The following USP34 variants were observed in gnomAD, a reference collection of about 807,000 sequenced individuals.
The protein encoded by USP34 is ubiquitin carboxyl-terminal hydrolase 34.
In USP34, 70 loss-of-function variants were observed where a neutral mutation model predicts 460.3. The ratio of observed to expected loss-of-function variants is 0.15; its 90% CI spans 0.13 to 0.19. The LOEUF (loss-of-function observed/expected upper bound fraction) is 0.19, where lower values mean the gene tolerates loss of function less well. USP34 is among the 10% of genes least tolerant of loss of function. The pLI, the probability that USP34 is intolerant of heterozygous loss-of-function variation, is 1.00. For synonymous variants in USP34, 1,647 were observed against 1,405.3 expected (o/e 1.17, Z -3.85); for missense variants, 3,985 against 4,236.2 (o/e 0.94, Z 1.65).
intron 14 of USP34, 124 bp downstream of exon 14, chr2:61,348,632 C>T: frequency 1.4e-6 from 2 of 1,444,022 alleles, no homozygotes; most frequent in South Asian, 2.9e-5. Flanking sequence ...CAAAGGATGT[C>T]AAAAATATTA....
chr2:61,310,261 C>T (rs1690545375), intron 27 of USP34, among the ~76,000 whole-genome samples: 1 of 151,950 alleles, frequency 6.6e-6, no homozygotes. Flanking sequence ...GGTATTTATC[C>T]AACATACATG....
chr2:61,228,573 C>G, intron 61 of USP34, 72 bp downstream of exon 61: 1 of 1,408,488 alleles, frequency 7.1e-7, no homozygotes, highest in Non-Finnish European at 9.8e-7. Flanking sequence ...TCTAACATCT[C>G]AGGACTTCGC....
chr2:61,321,598 G>GA (rs1270137555), intron 21 of USP34, among the ~76,000 whole-genome samples: 3 of 152,130 alleles, frequency 2.0e-5, no homozygotes, highest in Non-Finnish European at 4.4e-5. Context: ...AATATAGCCA[G>GA]AAACACAAAG....
At chr2:61,323,692 A>G (rs76563934) in intron 21 of USP34, among the ~76,000 whole-genome samples, 1,792 of 152,244 alleles carry the variant, frequency 0.012, 32 homozygotes, top group African/African-American at 0.041. Context: ...GCTATTGTCT[A>G]TTGTAAATTC....
chr2:61,231,441 A>C (rs1463470112), intron 58 of USP34, among the ~76,000 whole-genome samples: 1 of 152,190 alleles, frequency 6.6e-6, no homozygotes, highest in Non-Finnish European at 1.5e-5. Context: ...GGCCAGGCTC[A>C]GTGGCTCACA....
chr2:61,227,283 A>G, intron 61 of USP34, 65 bp from the exon 62 acceptor site: 1 of 1,533,854 alleles, frequency 6.5e-7, no homozygotes, highest in Admixed American at 2.0e-5. Context: ...AGAACAAATG[A>G]CTTGTTTTAT....
At chr2:61,343,678 A>C in intron 16 of USP34, 137 bp downstream of exon 16, 2 of 870,888 alleles carry the variant, frequency 2.3e-6, no homozygotes, top group Non-Finnish European at 3.4e-6. Context: ...GGGAAAAAAA[A>C]AAACTACCAT....
rs566141122 is a variant in USP34, at chr2:61,333,761, C to G, written c.2834+121G>C. On this transcript the variant is annotated intron_variant, in intron 19 of 79. Coordinates refer to ENST00000398571, the MANE Select transcript of USP34 (RefSeq NM_014709.4). Reference sequence around the variant, plus strand: ...TGGCAGAAAAATCTAAGAAAACAAACCACATGAAACTCAAATTTTCCTGGT... The same window carrying G: ...TGGCAGAAAAATCTAAGAAAACAAAGCACATGAAACTCAAATTTTCCTGGT... 3 of 554,898 alleles carry G rather than the reference C, an allele frequency of 5.4e-6. No homozygotes were observed. The Admixed American group carries it at 1.2e-4, about 22-fold the overall frequency. 34.4% of individuals were successfully genotyped at this position (554,898 alleles called of 1,614,324 possible). A position where few individuals can be genotyped will look rare whatever the true frequency, so the allele number is the denominator to read the frequency against.
rs760775172 is a variant in USP34 at position 61,281,197 on chromosome 2, G to C, written c.5044C>G (p.Leu1682Val). ...GAGTCTCCTCCATCCAGCCCTGACA[G>C]GGATAACTTATAGAGACCACTGCAT... ...ESCSGLYKLS[L>V]SGLDGGDSIN... Residue 1682 changes from leucine (L) to valine (V), a missense_variant, in exon 38 of 80, where the codon CTG becomes GTG. Leu to Val is a conservative substitution (Grantham distance 32). Transcript: ENST00000398571. The C allele has an allele frequency of 1.9e-5, 30 of 1,614,054 alleles. No individual in the cohort carries two copies. The South Asian group carries it at 3.2e-4, about 17-fold the overall frequency.
At chr2:61,442,395 CATCTT>C (rs1235731423) in intron 1 of USP34, among the ~76,000 whole-genome samples, 1 of 133,512 alleles carries the variant, frequency 7.5e-6, no homozygotes, top group Non-Finnish European at 1.6e-5. Context: ...GGAACTCAAA[CATCTT>C]AACAGCAAAA....
intron 2 of USP34, among the ~76,000 whole-genome samples, chr2:61,413,190 T>C (rs1180688105): frequency 6.6e-6 from 1 of 150,968 alleles, no homozygotes; most frequent in East Asian, 2.0e-4. Flanking sequence ...GGTCAGGAGA[T>C]TGAGACCATC....
At position 61,319,954 on chromosome 2, in the gene USP34, A is replaced by C. The variant is rs564603302; in HGVS notation, c.3014-627T>G. On this transcript the variant is annotated intron_variant, in intron 21 of 79. Coordinates refer to ENST00000398571, the MANE Select transcript of USP34 (RefSeq NM_014709.4). ...TATACATTTAAGAAAGATTAATACA[A>C]ACCACTAAGATAGTTATTTATCCAG... Among the ~76,000 whole-genome samples, 441 of 152,344 alleles carry C rather than the reference A, an allele frequency of 2.9e-3. 3 individuals are homozygous for C. Among genetic ancestry groups the C allele is most frequent in the African/African-American group, 0.01 (416 of 41,588 alleles).
chr2:61,322,086 TA>T (rs1690940940), intron 21 of USP34, among the ~76,000 whole-genome samples: 2 of 151,886 alleles, frequency 1.3e-5, no homozygotes, highest in African/African-American at 4.8e-5. Context: ...AAAAATTAGC[TA>T]GGCGTGGTGG....
At chr2:61,405,681 A>C (rs1339530300) in intron 3 of USP34, 27 bp downstream of exon 3, 3 of 1,499,216 alleles carry the variant, frequency 2.0e-6, no homozygotes, top group Non-Finnish European at 1.8e-6. Flanking sequence ...GGTATTACTT[A>C]AAATTCACAC....
intron 57 of USP34, 62 bp downstream of exon 57, chr2:61,235,783 C>A (rs1688049834): frequency 1.3e-6 from 2 of 1,531,046 alleles, no homozygotes; most frequent in Non-Finnish European, 1.8e-6. Flanking sequence ...CATCTTAGAT[C>A]AGAGGGGGGG....
chr2:61,244,597 C>T (rs1181491097), intron 51 of USP34, among the ~76,000 whole-genome samples: 3 of 146,492 alleles, frequency 2.0e-5, no homozygotes, highest in Admixed American at 7.0e-5. Flanking sequence ...CTGGGCGACA[C>T]AGCAAGAATC....
At chr2:61,342,387 A>G (rs1041733809) in intron 16 of USP34, among the ~76,000 whole-genome samples, 2 of 137,616 alleles carry the variant, frequency 1.5e-5, no homozygotes, top group African/African-American at 5.5e-5. Flanking sequence ...TGCAACCTCC[A>G]CAGCCTGGGT....
intron 1 of USP34, among the ~76,000 whole-genome samples, chr2:61,440,642 C>A (rs1694936940): frequency 6.6e-6 from 1 of 151,592 alleles, no homozygotes. Context: ...CTCAGCCTAC[C>A]AAGTAGCTGG....
intron 1 of USP34, among the ~76,000 whole-genome samples, chr2:61,432,635 GTTA>G (rs1429534892): frequency 6.6e-6 from 1 of 151,972 alleles, no homozygotes; most frequent in Non-Finnish European, 1.5e-5. Flanking sequence ...ATGCTAAATG[GTTA>G]TTTTAATATA....
Sources: gnomAD v4.1 joint callset for allele counts (sites outside exome capture counted in the v4.1 genomes callset) on GRCh38, gnomAD v4.1.1 for gene constraint, MANE v1.5 for transcripts, NCBI Gene and HGNC (gene_info 2026-07-23, HGNC 2026-07-21) for gene names.